Variants in CAPN13 observed in about 807,000 individuals in gnomAD.
CAPN13 encodes the protein calpain 13.
A neutral mutation model predicts 98.4 loss-of-function variants in CAPN13; 90 were observed. The observed-to-expected ratio is 0.92, with a 90% confidence interval of 0.77 to 1.09. The LOEUF (loss-of-function observed/expected upper bound fraction) is 1.09, where lower values mean the gene tolerates loss of function less well. Among genes scored for constraint, CAPN13 ranks in the 50% least tolerant of loss-of-function variants. CAPN13 has a pLI of 0.00. For synonymous variants in CAPN13, 330 were observed against 305.5 expected (o/e 1.08, Z -0.84); for missense variants, 887 against 841.3 (o/e 1.05, Z -0.67).
chr2:30,730,484 C>A (rs965869680), intron 22 of CAPN13, among the ~76,000 whole-genome samples: 1 of 152,140 alleles, frequency 6.6e-6, no homozygotes, highest in Non-Finnish European at 1.5e-5. Flanking sequence ...GATTCTAAAC[C>A]CTCATTCATG....
At chr2:30,779,433 A>G (rs1489998572) in intron 2 of CAPN13, among the ~76,000 whole-genome samples, 1 of 152,224 alleles carries the variant, frequency 6.6e-6, no homozygotes, top group African/African-American at 2.4e-5. Context: ...GTCATTCATC[A>G]AACCCTTGCT....
intron 11 of CAPN13, among the ~76,000 whole-genome samples, chr2:30,745,967 C>A (rs1279757542): frequency 7.9e-6 from 1 of 126,862 alleles, no homozygotes; most frequent in Non-Finnish European, 1.6e-5. Context: ...ATGGTGCAAT[C>A]TCGGCTTACT....
In CAPN13 at chr2:30,737,966, G is replaced by GACACAC. The variant is rs71831494; in HGVS notation, c.1653+263_1653+268dup. 2.5e-3 allele frequency: 925 copies of GACACAC among 373,436 alleles called. 4 individuals carry two copies. The highest frequency in any genetic ancestry group is 0.011 in the African/African-American group (494 of 45,954). 23.1% of individuals were successfully genotyped at this position (373,436 alleles called of 1,614,324 possible). On this transcript the variant is annotated intron_variant, in intron 17 of 22. Coordinates refer to ENST00000295055, the MANE Select transcript of CAPN13 (RefSeq NM_144575.3). ...GAGGGATTGCTTCAAGAATTATAAGGACACACACACACACACACACACACA... is the reference window on the plus strand; with the variant it reads ...GAGGGATTGCTTCAAGAATTATAAGGACACACACACACACACACACACACACACACA...
At chr2:30,775,851 G>A (rs780286371) in intron 4 of CAPN13, 79 bp downstream of exon 4, 55 of 973,076 alleles carry the variant, frequency 5.7e-5, no homozygotes, top group Non-Finnish European at 6.2e-5. Context: ...TCCCGGCCAC[G>A]AGAAAACTTA....
At chr2:30,743,673 C>T (rs1201534828) in intron 12 of CAPN13, 94 bp from the exon 13 acceptor site, 1 of 1,064,582 alleles carries the variant, frequency 9.4e-7, no homozygotes, top group Non-Finnish European at 1.4e-6. Context: ...TAGACCGTCT[C>T]CATTCACCAA....
At chr2:30,792,774 AG>A (rs1674668718) in intron 1 of CAPN13, among the ~76,000 whole-genome samples, 1 of 152,022 alleles carries the variant, frequency 6.6e-6, no homozygotes, top group Admixed American at 6.5e-5. Context: ...AAAAAATTAC[AG>A]AGCAATATTC....
In CAPN13 at chr2:30,800,116, AAAAGAAAGAAAGAAAGAAAGAAAGAAAG is replaced by A. The variant is rs60233900; in HGVS notation, c.-33+7158_-33+7185del. Among the ~76,000 whole-genome samples, 37 of 85,658 alleles carry A rather than the reference AAAAGAAAGAAAGAAAGAAAGAAAGAAAG, an allele frequency of 4.3e-4. No individual in the cohort carries two copies. The Middle Eastern group carries it at 0.017, about 39-fold the overall frequency. The allele number at this position is 85,658 out of a possible 152,430, so 56.2% of individuals were successfully genotyped here. On this transcript the variant is annotated intron_variant, in intron 1 of 22. Coordinates refer to ENST00000295055, the MANE Select transcript of CAPN13 (RefSeq NM_144575.3). Reference sequence around the variant, plus strand: ...AAGAAAAGAAAGAAAGAAAAGAAAGAAAAGAAAGAAAGAAAGAAAGAAAGAAAGAAAGAAAGAAAGAAAGAAAGAAAGA... The same window carrying A: ...AAGAAAAGAAAGAAAGAAAAGAAAGAAAAGAAAGAAAGAAAGAAAGAAAGA...
intron 1 of CAPN13, among the ~76,000 whole-genome samples, chr2:30,805,883 A>C (rs191188193): frequency 6.6e-6 from 1 of 151,856 alleles, no homozygotes; most frequent in African/African-American, 2.4e-5. Context: ...CCCTGCCTCC[A>C]ATAGCTGGGA....
intron 8 of CAPN13, among the ~76,000 whole-genome samples, chr2:30,755,451 C>T (rs1006875264): frequency 6.6e-6 from 1 of 152,112 alleles, no homozygotes; most frequent in Admixed American, 6.5e-5. Flanking sequence ...TAATTGCATG[C>T]CTAATAGCAT....
intron 4 of CAPN13, among the ~76,000 whole-genome samples, chr2:30,774,985 C>T (rs1230828368): frequency 6.6e-6 from 1 of 152,102 alleles, no homozygotes; most frequent in Non-Finnish European, 1.5e-5. Flanking sequence ...TCTTGTCACT[C>T]ATTCAAAATT....
At position 30,767,192 on chromosome 2, in the gene CAPN13, AAAG is replaced by A. The variant is rs534082620; in HGVS notation, c.525-2889_525-2887del. 1.8e-4 allele frequency among the ~76,000 whole-genome samples: 28 copies of A among 152,308 alleles called. No homozygotes were observed. The South Asian group carries it at 5.6e-3, about 30-fold the overall frequency. On this transcript the variant is annotated intron_variant, in intron 5 of 22. Transcript: ENST00000295055. Reference sequence around the variant, plus strand: ...CTGAGCCTCAGTTTCCTCATCTTTCAAAGAAGGTGGGGTTTGAGGCTCACAGAC... The same window carrying A: ...CTGAGCCTCAGTTTCCTCATCTTTCAAAGGTGGGGTTTGAGGCTCACAGAC...
At chr2:30,748,139 G>T (rs1163868006) in intron 11 of CAPN13, among the ~76,000 whole-genome samples, 1 of 152,224 alleles carries the variant, frequency 6.6e-6, no homozygotes, top group Non-Finnish European at 1.5e-5. Flanking sequence ...TCAGAAGAAG[G>T]AAGAGTTGGC....
intron 1 of CAPN13, among the ~76,000 whole-genome samples, chr2:30,799,627 C>T (rs1363658730): frequency 3.9e-5 from 6 of 152,138 alleles, no homozygotes; most frequent in African/African-American, 4.8e-5. Flanking sequence ...CCGTCCCTGC[C>T]GAGGGCATCC....
intron 22 of CAPN13, among the ~76,000 whole-genome samples, chr2:30,727,517 AT>A (rs1419269001): frequency 6.6e-5 from 10 of 152,164 alleles, no homozygotes; most frequent in Admixed American, 2.0e-4. Flanking sequence ...CTAAATGAAC[AT>A]TTCGCCGAAG....
At chr2:30,729,683 C>T (rs899318676) in intron 22 of CAPN13, 1 of 152,184 alleles carries the variant, frequency 6.6e-6, no homozygotes, top group Non-Finnish European at 1.5e-5. Context: ...TAGAAAGCAT[C>T]AAGCGTTCAT....
rs376885401 is a variant in CAPN13 at position 30,741,378 on chromosome 2, C to T, written c.1536+530G>A. The T allele has an allele frequency of 1.2e-4, 117 of 986,572 alleles. No homozygotes were observed. In the East Asian group the frequency reaches 4.5e-3, roughly 38 times the overall value. 61.1% of individuals were successfully genotyped at this position (986,572 alleles called of 1,614,324 possible). A position where few individuals can be genotyped will look rare whatever the true frequency, so the allele number is the denominator to read the frequency against. The stretch of plus-strand genomic sequence containing the variant: ...CTTTCCACACTAACACAATTATTAA[C>T]GGTAAGAGGCTCATTGTGCAGAGCC... On this transcript the variant is annotated intron_variant, in intron 15 of 22. Transcript: ENST00000295055.
intron 1 of CAPN13, among the ~76,000 whole-genome samples, chr2:30,798,789 C>T (rs1365013121): frequency 1.3e-5 from 2 of 152,144 alleles, no homozygotes; most frequent in Non-Finnish European, 2.9e-5. Context: ...CTATTTCCCA[C>T]AACAGTGTTC....
intron 11 of CAPN13, among the ~76,000 whole-genome samples, chr2:30,746,032 C>T (rs1671895394): frequency 6.6e-6 from 1 of 151,480 alleles, no homozygotes; most frequent in Admixed American, 6.6e-5. Context: ...TTCTGAGTAA[C>T]TGGGATTAGA....
intron 15 of CAPN13, among the ~76,000 whole-genome samples, chr2:30,740,622 C>T (rs978035176): frequency 6.6e-6 from 1 of 152,244 alleles, no homozygotes; most frequent in African/African-American, 2.4e-5. Context: ...AGCCATGTAT[C>T]TGGCAGAATG....
Sources: allele counts gnomAD v4.1 joint callset (sites outside exome capture counted in the v4.1 genomes callset), GRCh38; gene constraint gnomAD v4.1.1; transcripts MANE v1.5; gene names NCBI Gene and HGNC (gene_info 2026-07-23, HGNC 2026-07-21).